Variants in RAB5C observed in about 807,000 individuals in gnomAD.
The protein encoded by RAB5C is ras-related protein Rab-5C.
Under a neutral mutation model 25.2 loss-of-function variants are expected in RAB5C, and 4 were observed. The observed-to-expected ratio is 0.16, with a 90% confidence interval of 0.08 to 0.36. The LOEUF is 0.36. RAB5C is among the 10% of genes least tolerant of loss of function. The pLI is 1.00. For synonymous variants in RAB5C, 100 were observed against 106.4 expected (o/e 0.94, Z 0.37); for missense variants, 199 against 283.8 (o/e 0.70, Z 2.15).
rs62076919 is a variant in RAB5C at position 42,129,262 on chromosome 17, G to A, written c.167-462C>T. ...TGTCACTGACCTTGGGTTTCCTAAG[G>A]ACATTCTCACACACTTAGCTATGCT... On this transcript the variant is annotated intron_variant, in intron 2 of 5. Coordinates refer to ENST00000346213, the MANE Select transcript of RAB5C (RefSeq NM_004583.4). 6.1e-3 allele frequency among the ~76,000 whole-genome samples: 931 copies of A among 152,240 alleles called. 5 individuals carry two copies. The highest frequency in any genetic ancestry group is 9.7e-3 in the Admixed American group (148 of 15,296).
intron 1 of RAB5C, among the ~76,000 whole-genome samples, chr17:42,131,003 A>G (rs533989169): frequency 6.6e-6 from 1 of 152,308 alleles, no homozygotes; most frequent in East Asian, 1.9e-4. Context: ...GGAAGACACT[A>G]GGATTTAGAT....
At chr17:42,128,824 T>C (rs761864217) in intron 2 of RAB5C, 24 bp from the exon 3 acceptor site, 9 of 1,443,842 alleles carry the variant, frequency 6.2e-6, no homozygotes, top group East Asian at 2.6e-5. Context: ...GGAGCGTCCA[T>C]GGGCAAGAGC....
chr17:42,148,836 C>T (rs1403692610), intron 1 of RAB5C, among the ~76,000 whole-genome samples: 1 of 152,128 alleles, frequency 6.6e-6, no homozygotes, highest in Non-Finnish European at 1.5e-5. Flanking sequence ...TATTGAATAG[C>T]GATAAGAGCA....
In RAB5C at chr17:42,133,312, C is replaced by CA. The variant is rs551588428; in HGVS notation, c.-88-2723dup. 7.1e-3 allele frequency among the ~76,000 whole-genome samples: 1,078 copies of CA among 152,086 alleles called. 8 individuals carry two copies. The highest frequency in any genetic ancestry group is 0.013 in the South Asian group (64 of 4,810). On this transcript the variant is annotated intron_variant, in intron 1 of 5. Coordinates refer to ENST00000346213, the MANE Select transcript of RAB5C (RefSeq NM_004583.4). The stretch of plus-strand genomic sequence containing the variant: ...TAATAGAAAACCAAGTCTCTGATTC[C>CA]AAAAAAACCAAAGCAGCTGGTGCTT...
intron 1 of RAB5C, among the ~76,000 whole-genome samples, chr17:42,137,420 A>G (rs533016706): frequency 6.6e-6 from 1 of 152,342 alleles, no homozygotes. Flanking sequence ...TGTATTTACA[A>G]TTTGTAAACT....
intron 1 of RAB5C, among the ~76,000 whole-genome samples, chr17:42,147,132 AAGAAAGAAAGAAAGAGAGAG>A (rs1287217360): frequency 8.0e-6 from 1 of 124,262 alleles, no homozygotes; most frequent in African/African-American, 4.7e-5. Context: ...AACAGAAAGA[AAGAAAGAAAGAAAGAGAGAG>A]AGAGAGAGAG....
Position 42,152,347 on chromosome 17 carries a change from C to T in RAB5C, c.-89+2546G>A, listed in dbSNP as rs928064179. Among the ~76,000 whole-genome samples the T allele has an allele frequency of 3.3e-5, 5 of 152,208 alleles. No homozygotes were observed. In the South Asian group the frequency reaches 6.2e-4, roughly 19 times the overall value. On this transcript the variant is annotated intron_variant, in intron 1 of 5. Coordinates refer to ENST00000346213, the MANE Select transcript of RAB5C (RefSeq NM_004583.4). ...CAGAAAGGAGGGGTTCTGTCGCACA[C>T]GGAGCCATCGCTCTCTCTGCCAGGC... is the stretch of plus-strand genomic sequence containing the variant.
chr17:42,147,124 CAGAAAGAA>C (rs771354020), intron 1 of RAB5C, among the ~76,000 whole-genome samples: 6 of 145,732 alleles, frequency 4.1e-5, no homozygotes, highest in South Asian at 2.2e-4. Context: ...AAGAAAGAAA[CAGAAAGAA>C]AGAAAGAAAG....
At chr17:42,126,936 G>C in intron 4 of RAB5C, 88 bp from the exon 5 acceptor site, 1 of 804,956 alleles carries the variant, frequency 1.2e-6, no homozygotes, top group South Asian at 1.5e-5. Flanking sequence ...TTCCTTATTC[G>C]AGCACCTTAT....
In RAB5C at chr17:42,154,921, G is replaced by A. The variant is rs1349433390; in HGVS notation, c.-117C>T. On this transcript the variant is annotated 5_prime_UTR_variant, in exon 1 of 6. Transcript: ENST00000346213. ...GGCTCCGGGGCGGCGGCGTTACTTGGGGCCGGGGCTCGGACGGGATCCGCT... is the reference window on the plus strand; with the variant it reads ...GGCTCCGGGGCGGCGGCGTTACTTGAGGCCGGGGCTCGGACGGGATCCGCT... 6.6e-6 allele frequency: 1 copy of A among 152,390 alleles called. No individual in the cohort carries two copies. Among genetic ancestry groups the A allele is most frequent in the Non-Finnish European group, 1.5e-5 (1 of 68,112 alleles). The allele number at this position is 152,390 out of a possible 1,614,324, so 9.4% of individuals were successfully genotyped here.
intron 1 of RAB5C, among the ~76,000 whole-genome samples, chr17:42,140,974 G>A (rs960513134): frequency 2.6e-5 from 4 of 151,866 alleles, no homozygotes; most frequent in African/African-American, 4.8e-5. Context: ...GACTACGGGC[G>A]CATGCCACCA....
At chr17:42,133,972 G>A (rs974846725) in intron 1 of RAB5C, among the ~76,000 whole-genome samples, 2 of 152,158 alleles carry the variant, frequency 1.3e-5, no homozygotes, top group Admixed American at 1.3e-4. Context: ...AGAGATACCT[G>A]AGCAGGCACA....
chr17:42,147,971 G>A (rs531858132), intron 1 of RAB5C, among the ~76,000 whole-genome samples: 1 of 152,308 alleles, frequency 6.6e-6, no homozygotes, highest in Non-Finnish European at 1.5e-5. Flanking sequence ...GGTGGCACAT[G>A]CCTGTAATCC....
chr17:42,139,355 C>T (rs184105913), intron 1 of RAB5C, among the ~76,000 whole-genome samples: 2 of 152,354 alleles, frequency 1.3e-5, no homozygotes, highest in Admixed American at 6.5e-5. Context: ...GCCAGCCTAC[C>T]GATTCCAAAA....
At chr17:42,154,266 A>T (rs1338802352) in intron 1 of RAB5C, among the ~76,000 whole-genome samples, 2 of 152,214 alleles carry the variant, frequency 1.3e-5, no homozygotes, top group Non-Finnish European at 2.9e-5. Context: ...GAACAACATA[A>T]CTAGAGGACA....
chr17:42,146,783 G>A (rs1461391304), intron 1 of RAB5C, among the ~76,000 whole-genome samples: 1 of 151,242 alleles, frequency 6.6e-6, no homozygotes, highest in African/African-American at 2.4e-5. Flanking sequence ...AAGGTAGGCG[G>A]ATCACGAGGT....
At chr17:42,144,066 G>A (rs1021649184) in intron 1 of RAB5C, among the ~76,000 whole-genome samples, 3 of 152,026 alleles carry the variant, frequency 2.0e-5, no homozygotes, top group African/African-American at 4.8e-5. Context: ...GAATACAAAC[G>A]CGAGCCACTG....
At chr17:42,129,204 C>G (rs369977580) in intron 2 of RAB5C, among the ~76,000 whole-genome samples, 2 of 152,088 alleles carry the variant, frequency 1.3e-5, no homozygotes, top group East Asian at 3.9e-4. Context: ...AGCTAGGGAC[C>G]GCTCCACCCC....
intron 5 of RAB5C, 168 bp downstream of exon 5, chr17:42,126,587 G>A (rs777434126): frequency 1.3e-5 from 5 of 372,582 alleles, no homozygotes; most frequent in Middle Eastern, 8.3e-4. Flanking sequence ...AGTCGAGATC[G>A]TGCCACTGAA....
Sources: allele counts gnomAD v4.1 joint callset (sites outside exome capture counted in the v4.1 genomes callset), GRCh38; gene constraint gnomAD v4.1.1; transcripts MANE v1.5; gene names NCBI Gene and HGNC (gene_info 2026-07-23, HGNC 2026-07-21).